The following MAEA variants were observed in gnomAD, a reference collection of about 807,000 sequenced individuals.
MAEA encodes macrophage erythroblast attacher, E3 ubiquitin ligase.
A neutral mutation model predicts 46.2 loss-of-function variants in MAEA; 22 were observed. The ratio of observed to expected loss-of-function variants is 0.48; its 90% confidence interval spans 0.34 to 0.68. The LOEUF is 0.68. Ranked by LOEUF, MAEA falls within the 30% of genes least tolerant of loss-of-function variation. MAEA has a pLI of 0.01. For synonymous variants in MAEA, 246 were observed against 222.6 expected (o/e 1.11, Z -0.94); for missense variants, 393 against 558.1 (o/e 0.70, Z 2.98).
At chr4:1,334,291 G>T (rs1349961869) in intron 6 of MAEA, among the ~76,000 whole-genome samples, 3 of 151,890 alleles carry the variant, frequency 2.0e-5, no homozygotes, top group Non-Finnish European at 2.9e-5. Flanking sequence ...AGAGGCCGGG[G>T]TGTTTCCCGG....
At chr4:1,314,872 G>C (rs946372266) in intron 2 of MAEA, among the ~76,000 whole-genome samples, 4 of 152,184 alleles carry the variant, frequency 2.6e-5, no homozygotes, top group Admixed American at 2.6e-4. Context: ...GTCAGTCGCC[G>C]TGTGTGCTGT....
At chr4:1,319,263 G>A (rs1737701891) in intron 3 of MAEA, among the ~76,000 whole-genome samples, 1 of 152,014 alleles carries the variant, frequency 6.6e-6, no homozygotes, top group Admixed American at 6.5e-5. Context: ...TGCAGTGGGA[G>A]GATCACTTGA....
chr4:1,299,255 C>T (rs909608368), intron 1 of MAEA, among the ~76,000 whole-genome samples: 7 of 152,174 alleles, frequency 4.6e-5, no homozygotes, highest in Non-Finnish European at 1.0e-4. Flanking sequence ...CCCTTCTCTT[C>T]GGGAAGGGCA....
chr4:1,303,991 C>T (rs1735590784), intron 1 of MAEA, among the ~76,000 whole-genome samples: 1 of 151,484 alleles, frequency 6.6e-6, no homozygotes, highest in Non-Finnish European at 1.5e-5. Flanking sequence ...TAGCTCTGCA[C>T]ACAGGAGTCG....
At chr4:1,338,991 G>A in intron 8 of MAEA, 83 bp from the exon 9 acceptor site, 1 of 1,131,882 alleles carries the variant, frequency 8.8e-7, no homozygotes, top group Non-Finnish European at 1.3e-6. Context: ...ATTCCCTGGT[G>A]GTTCATTGTG....
chr4:1,328,865 G>T (rs1739178927), intron 5 of MAEA: 1 of 1,039,566 alleles, frequency 9.6e-7, no homozygotes, highest in Non-Finnish European at 1.2e-6. Flanking sequence ...CTGCAACGAG[G>T]TCCCTTCTGT....
At chr4:1,327,740 C>T in intron 5 of MAEA, 37 bp downstream of exon 5, 1 of 1,586,124 alleles carries the variant, frequency 6.3e-7, no homozygotes, top group Non-Finnish European at 8.6e-7. Context: ...CGAGGGAGGG[C>T]AGGATGTTCG....
intron 1 of MAEA, chr4:1,309,519 G>C: frequency 2.2e-6 from 3 of 1,356,960 alleles, no homozygotes. Flanking sequence ...TGGAGGGAGA[G>C]GGGGTGCTGC....
At position 1,289,906 on chromosome 4, in the gene MAEA, G is replaced by T; in HGVS notation, c.-8G>T. On this transcript the variant is annotated 5_prime_UTR_variant, in exon 1 of 9. Transcript: ENST00000303400. ...TCCCCCGCCCGCTAATGTTTTGGCC[G>T]CTTCAAGATGGCGGTGCAGGAGTCG... The T allele has an allele frequency of 6.3e-7, 1 of 1,594,794 alleles. No individual in the cohort carries two copies. Among genetic ancestry groups the T allele is most frequent in the Non-Finnish European group, 8.5e-7 (1 of 1,169,882 alleles).
chr4:1,318,241 A>G (rs1202133439), intron 3 of MAEA, among the ~76,000 whole-genome samples: 1 of 152,150 alleles, frequency 6.6e-6, no homozygotes, highest in African/African-American at 2.4e-5. Context: ...CTTGGGACCC[A>G]TGGGGTGTGA....
chr4:1,336,199 T>TCGTC (rs1190286737), intron 6 of MAEA, among the ~76,000 whole-genome samples: 1 of 150,044 alleles, frequency 6.7e-6, no homozygotes, highest in Admixed American at 6.6e-5. Context: ...GTTCCAGCAC[T>TCGTC]CGTCCCGCAG....
chr4:1,310,009 T>C (rs1736287213), intron 1 of MAEA: 7 of 1,212,410 alleles, frequency 5.8e-6, no homozygotes, highest in Middle Eastern at 3.2e-4. Flanking sequence ...GTGCGGATGC[T>C]GTGTGGGTTC....
At chr4:1,306,170 G>A (rs1455783188) in intron 1 of MAEA, among the ~76,000 whole-genome samples, 1 of 152,132 alleles carries the variant, frequency 6.6e-6, no homozygotes, top group Non-Finnish European at 1.5e-5. Flanking sequence ...ATAATACTTG[G>A]CCAAATGTTT....
Position 1,339,834 on chromosome 4 carries a change from C to T in MAEA, c.*665C>T, listed in dbSNP as rs2109025955. 6.5e-6 allele frequency: 1 copy of T among 152,942 alleles called. No individual in the cohort carries two copies. Among genetic ancestry groups the T allele is most frequent in the South Asian group, 2.1e-4 (1 of 4,838 alleles). 9.5% of individuals were successfully genotyped at this position (152,942 alleles called of 1,614,324 possible). A position where few individuals can be genotyped will look rare whatever the true frequency, so the allele number is the denominator to read the frequency against. ...TAGCTGCGTCGTTTCGATATCACAC[C>T]CTCTGTGTGCCGCCTTACTTCCTGC... On this transcript the variant is annotated 3_prime_UTR_variant, in exon 9 of 9. Transcript: ENST00000303400.
intron 1 of MAEA, among the ~76,000 whole-genome samples, chr4:1,306,272 A>G (rs536855107): frequency 2.0e-5 from 3 of 152,270 alleles, no homozygotes; most frequent in African/African-American, 7.2e-5. Context: ...ATGACTCATG[A>G]TGTTGCACGT....
intron 3 of MAEA, among the ~76,000 whole-genome samples, chr4:1,316,663 C>G (rs1230399836): frequency 6.6e-6 from 1 of 152,130 alleles, no homozygotes; most frequent in Non-Finnish European, 1.5e-5. Flanking sequence ...CTTTCCACGG[C>G]TTAAATCCCA....
Position 1,312,096 on chromosome 4 carries a change from G to A in MAEA, c.187G>A (p.Ala63Thr), listed in dbSNP as rs776869127. Residue 63 changes from alanine to threonine, a missense_variant, in exon 2 of 9, where the codon GCC (alanine) becomes ACC (threonine). Ala to Thr is a moderately conservative substitution (Grantham distance 58). Transcript: ENST00000303400. ...GGAGAAGACGTTGAGCGGCTGCCCCGCCGTGGACTCCGTGGTCAGCCTGCT... is the reference window on the plus strand; with the variant it reads ...GGAGAAGACGTTGAGCGGCTGCCCCACCGTGGACTCCGTGGTCAGCCTGCT... ...ELEKTLSGCP[A>T]VDSVVSLLDG... 31 of 1,613,712 alleles carry A rather than the reference G, an allele frequency of 1.9e-5. No individual in the cohort carries two copies. The highest frequency in any genetic ancestry group is 3.3e-5 in the Admixed American group (2 of 60,006).
intron 1 of MAEA, among the ~76,000 whole-genome samples, chr4:1,290,421 G>A (rs937746889): frequency 1.3e-5 from 2 of 152,298 alleles, no homozygotes; most frequent in Middle Eastern, 3.4e-3. Context: ...GGAACTGTAG[G>A]GAGAAACCTC....
intron 7 of MAEA, chr4:1,337,365 C>CTGACTCTGTCCCGCCTG (rs1203948461): frequency 6.8e-6 from 2 of 293,102 alleles, no homozygotes; most frequent in Admixed American, 5.0e-5. Flanking sequence ...CCGCCTGTGA[C>CTGACTCTGTCCCGCCTG]TGACTCTGTC....
Sources: allele counts gnomAD v4.1 joint callset (sites outside exome capture counted in the v4.1 genomes callset), GRCh38; gene constraint gnomAD v4.1.1; transcripts MANE v1.5; gene names NCBI Gene and HGNC (gene_info 2026-07-23, HGNC 2026-07-21).